RRAGD: variants seen among roughly 807,000 people sequenced by gnomAD.
RRAGD encodes the protein Ras related GTP binding D, also known as ras-related GTP-binding protein D.
In RRAGD, 12 loss-of-function variants were observed where a neutral mutation model predicts 35.5. The observed-to-expected ratio is 0.34, with a 90% CI of 0.22 to 0.55. RRAGD has a LOEUF of 0.55. RRAGD is among the 20% of genes least tolerant of loss of function. The pLI, the probability that RRAGD is intolerant of heterozygous loss-of-function variation, is 0.91. For missense variants in RRAGD, 324 were observed against 490.1 expected, an observed-to-expected ratio of 0.66 and a Z score of 3.20; for synonymous variants, 155 against 178.9, an observed-to-expected ratio of 0.87 and a Z score of 1.07.
chr6:89,411,558 AC>A lies in RRAGD; in HGVS notation c.148+287del, dbSNP rs1769693860. ...GCTTGGGGTGAGGGGCGCGGGAGGC[AC>A]CGGCTCTGAAAGGGGCAGAAGCGCG... is the stretch of plus-strand genomic sequence containing the variant. On this transcript the variant is annotated intron_variant, in intron 1 of 6. Coordinates refer to ENST00000369415, the MANE Select transcript of RRAGD (RefSeq NM_021244.5). This position sits in a 1 kb window ranked among gnomAD's most constrained non-coding sequence, Gnocchi z 5.6. 3 of 410,878 alleles carry A rather than the reference AC, an allele frequency of 7.3e-6. No individual in the cohort carries two copies. Among genetic ancestry groups the A allele is most frequent in the Non-Finnish European group, 1.3e-5 (3 of 226,134 alleles). 25.5% of individuals were successfully genotyped at this position (410,878 alleles called of 1,614,324 possible). A position where few individuals can be genotyped will look rare whatever the true frequency, so the allele number is the denominator to read the frequency against.
intron 1 of RRAGD, among the ~76,000 whole-genome samples, chr6:89,391,650 T>G (rs1769236736): frequency 6.6e-6 from 1 of 151,986 alleles, no homozygotes; most frequent in African/African-American, 2.4e-5. Flanking sequence ...TTCTTTGGAG[T>G]GATAAAAATG....
At chr6:89,386,753 A>G (rs1769142492) in intron 2 of RRAGD, among the ~76,000 whole-genome samples, 1 of 152,212 alleles carries the variant, frequency 6.6e-6, no homozygotes, top group African/African-American at 2.4e-5. Flanking sequence ...GCATGGATAT[A>G]TGAAGTGGAA....
At chr6:89,383,849 C>CGTA (rs772963403) in intron 2 of RRAGD, among the ~76,000 whole-genome samples, 3 of 152,052 alleles carry the variant, frequency 2.0e-5, no homozygotes, top group Non-Finnish European at 4.4e-5. Context: ...AGGGGCCAGG[C>CGTA]GTAGTGGCTC....
intron 1 of RRAGD, among the ~76,000 whole-genome samples, chr6:89,400,988 C>T (rs938941693): frequency 2.0e-5 from 3 of 152,056 alleles, no homozygotes; most frequent in African/African-American, 4.8e-5. Flanking sequence ...GCTGCAGACA[C>T]AAAGAAAAAC....
chr6:89,372,934 A>G (rs906756801), intron 5 of RRAGD, among the ~76,000 whole-genome samples: 1 of 152,258 alleles, frequency 6.6e-6, no homozygotes, highest in Non-Finnish European at 1.5e-5. Flanking sequence ...GGTCTGATGA[A>G]AGACTAAGAA....
rs1768791997 is a variant in RRAGD at position 89,368,280 on chromosome 6, C to G, written c.1052-73G>C. 3 of 1,398,006 alleles carry G rather than the reference C, an allele frequency of 2.1e-6. No homozygotes were observed. The South Asian group carries it at 3.9e-5, about 18-fold the overall frequency. The allele number at this position is 1,398,006 out of a possible 1,614,324, so 86.6% of individuals were successfully genotyped here. ...TCCATCTTTTCATGGGACCCATGGC[C>G]AGGACAAGCCAGTAGGGGGCAGTAG... is the stretch of plus-strand genomic sequence containing the variant. On this transcript the variant is annotated intron_variant, in intron 6 of 6. Transcript: ENST00000369415.
At chr6:89,393,686 C>T (rs1480855850) in intron 1 of RRAGD, among the ~76,000 whole-genome samples, 2 of 152,118 alleles carry the variant, frequency 1.3e-5, no homozygotes, top group Non-Finnish European at 2.9e-5. Flanking sequence ...ATCAAATATT[C>T]GAGTAATGCC....
At chr6:89,380,402 G>T in intron 2 of RRAGD, 35 bp from the exon 3 acceptor site, 3 of 1,589,516 alleles carry the variant, frequency 1.9e-6, no homozygotes, top group South Asian at 1.1e-5. Context: ...AGAGAAGGCC[G>T]CTTTGCTTCC....
At chr6:89,393,464 A>G (rs1355823900) in intron 1 of RRAGD, among the ~76,000 whole-genome samples, 1 of 152,224 alleles carries the variant, frequency 6.6e-6, no homozygotes, top group African/African-American at 2.4e-5. Context: ...ACACACTAGG[A>G]TATCTTCTAG....
chr6:89,408,561 C>A (rs1769630130), intron 1 of RRAGD, among the ~76,000 whole-genome samples: 2 of 152,140 alleles, frequency 1.3e-5, no homozygotes, highest in Admixed American at 1.3e-4. Flanking sequence ...CCATCTACAT[C>A]CTTCAGGAAG....
At chr6:89,402,048 T>TTTCTTTTTTTTTTTTTC (rs1769479469) in intron 1 of RRAGD, among the ~76,000 whole-genome samples, 1 of 135,988 alleles carries the variant, frequency 7.4e-6, no homozygotes, top group African/African-American at 3.0e-5. Flanking sequence ...ATTTTTTTTT[T>TTTCTTTTTTTTTTTTTC]TTTTTTTTTT....
intron 1 of RRAGD, among the ~76,000 whole-genome samples, chr6:89,389,791 G>T (rs1769199819): frequency 6.6e-6 from 1 of 152,108 alleles, no homozygotes; most frequent in Admixed American, 6.5e-5. Flanking sequence ...AAGACTTGGG[G>T]TTTAAACTAT....
In RRAGD at chr6:89,372,425, C is replaced by A; in HGVS notation, c.1051+12G>T. The A allele has an allele frequency of 6.2e-7, 1 of 1,604,648 alleles. No individual in the cohort carries two copies. ...CTTTTAATGCTTCTTTTAAATCACACCAAAAAGTTACCTTTTCTTTCAAAG... is the reference window on the plus strand; with the variant it reads ...CTTTTAATGCTTCTTTTAAATCACAACAAAAAGTTACCTTTTCTTTCAAAG... On this transcript the variant is annotated intron_variant, in intron 6 of 6. Coordinates refer to ENST00000369415, the MANE Select transcript of RRAGD (RefSeq NM_021244.5).
At chr6:89,370,705 C>T (rs1346055237) in intron 6 of RRAGD, among the ~76,000 whole-genome samples, 1 of 152,042 alleles carries the variant, frequency 6.6e-6, no homozygotes, top group African/African-American at 2.4e-5. Context: ...GAATCTAATA[C>T]AATCATTAAA....
At chr6:89,394,269 G>C (rs1422461466) in intron 1 of RRAGD, among the ~76,000 whole-genome samples, 1 of 151,434 alleles carries the variant, frequency 6.6e-6, no homozygotes, top group Admixed American at 6.6e-5. Context: ...AAATATCAAG[G>C]ATATCTATAG....
At position 89,405,169 on chromosome 6, in the gene RRAGD, T is replaced by A. The variant is rs143267910; in HGVS notation, c.148+6677A>T. On this transcript the variant is annotated intron_variant, in intron 1 of 6. Coordinates refer to ENST00000369415, the MANE Select transcript of RRAGD (RefSeq NM_021244.5). ...ATCGAGATCATCCTGGCTAACACGG[T>A]GAAAACCCGTCTCTACTAAAAAAAA... Among the ~76,000 whole-genome samples, 1,501 of 151,356 alleles carry A rather than the reference T, an allele frequency of 9.9e-3. 22 individuals carry two copies. Among genetic ancestry groups the A allele is most frequent in the African/African-American group, 0.033 (1,365 of 41,222 alleles).
At chr6:89,387,156 G>GCA in intron 2 of RRAGD, 139 bp downstream of exon 2, 1 of 839,416 alleles carries the variant, frequency 1.2e-6, no homozygotes, top group Non-Finnish European at 1.8e-6. Flanking sequence ...TTTAACTTTG[G>GCA]CAAAGTCTGA....
chr6:89,412,140 C>T lies in RRAGD; in HGVS notation c.-147G>A. The T allele has an allele frequency of 4.0e-6, 3 of 749,846 alleles. No individual in the cohort carries two copies. The highest frequency in any genetic ancestry group is 3.7e-6 in the Non-Finnish European group (2 of 546,220). The allele number at this position is 749,846 out of a possible 1,614,324, so 46.4% of individuals were successfully genotyped here. A position where few individuals can be genotyped will look rare whatever the true frequency, so the allele number is the denominator to read the frequency against. The stretch of plus-strand genomic sequence containing the variant: ...GGCGGAAGCGGGGGCCGCGCGTCCC[C>T]CGGCGGGCGGCGCCCAGGTCCGGGT... On this transcript the variant is annotated 5_prime_UTR_variant, in exon 1 of 7. Transcript: ENST00000369415. This position sits in a 1 kb window ranked among gnomAD's most constrained non-coding sequence, Gnocchi z 4.2.
intron 2 of RRAGD, 141 bp downstream of exon 2, chr6:89,387,154 T>C: frequency 1.2e-6 from 1 of 812,874 alleles, no homozygotes; most frequent in Non-Finnish European, 1.9e-6. Context: ...CTTTTAACTT[T>C]GGCAAAGTCT....
Sources: allele counts gnomAD v4.1 joint callset (sites outside exome capture counted in the v4.1 genomes callset), GRCh38; gene constraint gnomAD v4.1.1; non-coding constraint Gnocchi (gnomAD v3.1); transcripts MANE v1.5; gene names NCBI Gene and HGNC (gene_info 2026-07-23, HGNC 2026-07-21).